Variants in ARHGEF10L observed in about 807,000 individuals in gnomAD.
ARHGEF10L encodes the protein Rho guanine nucleotide exchange factor 10 like.
A neutral mutation model predicts 141.2 loss-of-function variants in ARHGEF10L; 69 were observed. That is an observed-to-expected ratio of 0.49 (90% CI 0.40 to 0.60). ARHGEF10L has a LOEUF of 0.60. Ranked by LOEUF, ARHGEF10L falls within the 20% of genes least tolerant of loss-of-function variation. The pLI, the probability that ARHGEF10L is intolerant of heterozygous loss-of-function variation, is 0.00. For synonymous variants in ARHGEF10L, 711 were observed against 718.5 expected (o/e 0.99, Z 0.17); for missense variants, 1,482 against 1,734.3 (o/e 0.85, Z 2.58).
intron 26 of ARHGEF10L, among the ~76,000 whole-genome samples, chr1:17,684,258 G>C (rs1432229540): frequency 2.6e-5 from 4 of 152,202 alleles, no homozygotes; most frequent in South Asian, 2.1e-4. Context: ...TCCTCCTACA[G>C]GCTGGTTTGG....
intron 6 of ARHGEF10L, among the ~76,000 whole-genome samples, chr1:17,606,517 C>T (rs966003294): frequency 6.6e-6 from 1 of 151,750 alleles, no homozygotes; most frequent in Non-Finnish European, 1.5e-5. Flanking sequence ...TGGTCTTGAA[C>T]TCCTGACCTC....
At chr1:17,526,766 A>G in the ARHGEF10L span, among the ~76,000 whole-genome samples, 2 of 152,230 alleles carry the variant, frequency 1.3e-5, no homozygotes, top group Non-Finnish European at 2.9e-5. Context: ...TTAGTCAGAC[A>G]TGGTGGTGTA....
chr1:17,604,391 G>A (rs979381387), intron 6 of ARHGEF10L: 7 of 152,168 alleles, frequency 4.6e-5, no homozygotes, highest in Non-Finnish European at 7.3e-5. Flanking sequence ...CCATGATGAA[G>A]AGGTTAAATC....
chr1:17,633,840 G>A (rs2060843002), intron 16 of ARHGEF10L, among the ~76,000 whole-genome samples: 1 of 152,188 alleles, frequency 6.6e-6, no homozygotes, highest in Admixed American at 6.5e-5. Context: ...AGTAGGTTTG[G>A]GGATTTTCCA....
intron 25 of ARHGEF10L, among the ~76,000 whole-genome samples, chr1:17,659,150 G>A (rs2102079682): frequency 6.6e-6 from 1 of 152,308 alleles, no homozygotes; most frequent in Non-Finnish European, 1.5e-5. Flanking sequence ...TGGTAGACAG[G>A]AGGGGAGGCA....
chr1:17,676,511 G>C (rs897757389), intron 26 of ARHGEF10L, among the ~76,000 whole-genome samples: 2 of 152,084 alleles, frequency 1.3e-5, no homozygotes, highest in Admixed American at 1.3e-4. Flanking sequence ...TCATGCAGGC[G>C]AGGCCTGCAG....
At chr1:17,640,980 T>C (rs1425246551) in intron 21 of ARHGEF10L, among the ~76,000 whole-genome samples, 2 of 152,172 alleles carry the variant, frequency 1.3e-5, no homozygotes, top group Non-Finnish European at 1.5e-5. Flanking sequence ...CCATTGAGGA[T>C]TCTGAGGCCC....
At chr1:17,677,455 C>A (rs753126800) in intron 26 of ARHGEF10L, among the ~76,000 whole-genome samples, 2 of 152,246 alleles carry the variant, frequency 1.3e-5, no homozygotes, top group African/African-American at 2.4e-5. Context: ...CTCCTTCGAT[C>A]GGTGCCGCCC....
chr1:17,674,455 C>G (rs915115132), intron 26 of ARHGEF10L, among the ~76,000 whole-genome samples: 1 of 152,206 alleles, frequency 6.6e-6, no homozygotes, highest in East Asian at 1.9e-4. Flanking sequence ...GGAGAGGATG[C>G]GGGTCAGCCG....
chr1:17,554,583 CTTTTT>C (rs970778480), intron 1 of ARHGEF10L, among the ~76,000 whole-genome samples: 78 of 122,316 alleles, frequency 6.4e-4, no homozygotes, highest in African/African-American at 2.6e-3. Context: ...TCCTTCCTTC[CTTTTT>C]TTTTTTTTTT....
At chr1:17,648,964 A>T (rs2061752371) in intron 22 of ARHGEF10L, among the ~76,000 whole-genome samples, 1 of 152,236 alleles carries the variant, frequency 6.6e-6, no homozygotes, top group African/African-American at 2.4e-5. Context: ...GCATGGCTCC[A>T]GATCATGCCG....
At chr1:17,664,278 T>A (rs1310634614) in intron 25 of ARHGEF10L, among the ~76,000 whole-genome samples, 169 bp from the exon 26 acceptor site, 1 of 150,544 alleles carries the variant, frequency 6.6e-6, no homozygotes, top group African/African-American at 2.4e-5. Flanking sequence ...ATGGTGGGAG[T>A]CGGAGGCAGA....
At chr1:17,690,901 T>C (rs1262394378) in intron 27 of ARHGEF10L, among the ~76,000 whole-genome samples, 1 of 152,224 alleles carries the variant, frequency 6.6e-6, no homozygotes, top group Non-Finnish European at 1.5e-5. Flanking sequence ...TTATTAGAGA[T>C]ATTTTTAAAA....
At chr1:17,637,109 G>C (rs181566636) in intron 18 of ARHGEF10L, among the ~76,000 whole-genome samples, 3 of 152,214 alleles carry the variant, frequency 2.0e-5, no homozygotes, top group Admixed American at 2.0e-4. Flanking sequence ...TCCGCCACTT[G>C]TCCTGCCAAG....
intron 1 of ARHGEF10L, among the ~76,000 whole-genome samples, chr1:17,552,374 T>C (rs1170804747): frequency 2.0e-5 from 3 of 152,072 alleles, no homozygotes; most frequent in African/African-American, 7.2e-5. Flanking sequence ...GTGTGCCAGG[T>C]ACCACGCATG....
At chr1:17,642,160 A>G (rs2061363058) in intron 21 of ARHGEF10L, among the ~76,000 whole-genome samples, 1 of 152,098 alleles carries the variant, frequency 6.6e-6, no homozygotes, top group Non-Finnish European at 1.5e-5. Context: ...GCAGGTGGAC[A>G]TTAAATGGGG....
At chr1:17,646,738 G>A (rs1357349476) in intron 21 of ARHGEF10L, among the ~76,000 whole-genome samples, 3 of 152,056 alleles carry the variant, frequency 2.0e-5, no homozygotes, top group Non-Finnish European at 4.4e-5. Flanking sequence ...CTGAGAAGGA[G>A]AGGAGCCAGC....
At chr1:17,671,623 G>A (rs1038853817) in intron 26 of ARHGEF10L, among the ~76,000 whole-genome samples, 3 of 152,234 alleles carry the variant, frequency 2.0e-5, no homozygotes, top group African/African-American at 7.2e-5. Flanking sequence ...TTGGACCCCA[G>A]GCCTGGTTCC....
intron 1 of ARHGEF10L, among the ~76,000 whole-genome samples, chr1:17,552,985 G>A (rs1570424152): frequency 6.6e-6 from 1 of 152,088 alleles, no homozygotes; most frequent in East Asian, 1.9e-4. Flanking sequence ...CTAGCATTCT[G>A]CCCACTTGAC....
Sources: allele counts gnomAD v4.1 joint callset (sites outside exome capture counted in the v4.1 genomes callset), GRCh38; gene constraint gnomAD v4.1.1; transcripts MANE v1.5; gene names NCBI Gene and HGNC (gene_info 2026-07-23, HGNC 2026-07-21).